CYP4F22: variants seen among roughly 807,000 people sequenced by gnomAD.
The protein encoded by CYP4F22 is cytochrome P450 family 4 subfamily F member 22.
Under a neutral mutation model 60.4 loss-of-function variants are expected in CYP4F22, and 37 were observed. The ratio of observed to expected loss-of-function variants is 0.61; its 90% CI spans 0.47 to 0.81. CYP4F22 has a LOEUF of 0.81. Ranked by LOEUF, CYP4F22 falls within the 30% of genes least tolerant of loss-of-function variation. The pLI is 0.00. For missense variants in CYP4F22, 655 were observed against 715.0 expected, an observed-to-expected ratio of 0.92 and a Z score of 0.96; for synonymous variants, 258 against 280.5, an observed-to-expected ratio of 0.92 and a Z score of 0.80.
intron 1 of CYP4F22, among the ~76,000 whole-genome samples, chr19:15,510,958 A>ATTTTTT (rs1568351339): frequency 8.7e-6 from 1 of 114,780 alleles, no homozygotes; most frequent in African/African-American, 3.9e-5. Context: ...ATATATATAT[A>ATTTTTT]TATATATATT....
chr19:15,550,603 C>A, intron 12 of CYP4F22, 71 bp from the exon 13 acceptor site: 2 of 1,509,332 alleles, frequency 1.3e-6, no homozygotes, highest in Non-Finnish European at 1.8e-6. Flanking sequence ...CCCCCAGAGG[C>A]TCAGGGAAGG....
At chr19:15,520,983 G>A (rs1971218514) in intron 1 of CYP4F22, among the ~76,000 whole-genome samples, 1 of 151,902 alleles carries the variant, frequency 6.6e-6, no homozygotes, top group African/African-American at 2.4e-5. Flanking sequence ...TAACCAGCAT[G>A]GTTTCGATTT....
chr19:15,545,125 G>A (rs750113486), intron 10 of CYP4F22, among the ~76,000 whole-genome samples: 66 of 148,956 alleles, frequency 4.4e-4, no homozygotes, highest in Admixed American at 1.1e-3. Flanking sequence ...AACAAAAGCT[G>A]TGCTTGCACT....
At chr19:15,538,073 C>T (rs988313414) in intron 7 of CYP4F22, 80 bp downstream of exon 7, 2 of 1,591,964 alleles carry the variant, frequency 1.3e-6, no homozygotes, top group Admixed American at 3.4e-5. Flanking sequence ...AACTCCCAGG[C>T]ATTAGACAAC....
At chr19:15,509,742 G>A (rs1019492757) in intron 1 of CYP4F22, among the ~76,000 whole-genome samples, 2 of 152,012 alleles carry the variant, frequency 1.3e-5, no homozygotes, top group Non-Finnish European at 2.9e-5. Context: ...GGCCCAGCTT[G>A]GGTTTCTGAA....
chr19:15,526,542 G>C (rs1599797032), intron 3 of CYP4F22, among the ~76,000 whole-genome samples: 1 of 151,970 alleles, frequency 6.6e-6, no homozygotes, highest in African/African-American at 2.4e-5. Flanking sequence ...CTAGGAAGTA[G>C]GTCCCATGAC....
In CYP4F22 at chr19:15,539,847, G is replaced by A. The variant is rs1393287994; in HGVS notation, c.672-603G>A. ...TTAGTCACCTTAGTGGGGTGAAGTA[G>A]TATCTCATTGTGGTTTTGATTTGCA... On this transcript the variant is annotated intron_variant, in intron 7 of 13. Transcript: ENST00000269703. Among the ~76,000 whole-genome samples the A allele has an allele frequency of 2.0e-5, 3 of 152,182 alleles. No homozygotes were observed. In the East Asian group the frequency reaches 5.8e-4, roughly 29 times the overall value.
chr19:15,542,068 A>G (rs780042990), intron 8 of CYP4F22, among the ~76,000 whole-genome samples: 3 of 151,984 alleles, frequency 2.0e-5, no homozygotes, highest in Non-Finnish European at 4.4e-5. Flanking sequence ...CTCCATTTAT[A>G]CCATGGTGAT....
intron 1 of CYP4F22, among the ~76,000 whole-genome samples, chr19:15,509,921 CCT>C (rs1971068541): frequency 1.4e-5 from 2 of 139,196 alleles, no homozygotes; most frequent in East Asian, 4.5e-4. Flanking sequence ...TTCTTTCCTT[CCT>C]TCTTTCTTTC....
intron 11 of CYP4F22, among the ~76,000 whole-genome samples, chr19:15,548,920 G>C (rs1971563404): frequency 6.6e-6 from 1 of 152,158 alleles, no homozygotes; most frequent in Non-Finnish European, 1.5e-5. Context: ...AGATCCCTAT[G>C]TGGCCAGCTT....
At chr19:15,541,563 C>T (rs759493205) in intron 8 of CYP4F22, among the ~76,000 whole-genome samples, 1 of 152,082 alleles carries the variant, frequency 6.6e-6, no homozygotes, top group African/African-American at 2.4e-5. Context: ...AACCATTCAG[C>T]TCATCACAAT....
At chr19:15,527,839 T>A (rs1971300031) in intron 3 of CYP4F22, among the ~76,000 whole-genome samples, 1 of 152,218 alleles carries the variant, frequency 6.6e-6, no homozygotes, top group Non-Finnish European at 1.5e-5. Context: ...TGGGGATGGA[T>A]CTGTCCTATT....
chr19:15,537,315 C>T (rs372568383), intron 4 of CYP4F22, 46 bp from the exon 5 acceptor site: 1 of 1,612,610 alleles, frequency 6.2e-7, no homozygotes, highest in Non-Finnish European at 8.5e-7. Context: ...AACAAAAAAC[C>T]AAAAAACTCT....
At chr19:15,540,752 G>T (rs1447929066) in intron 8 of CYP4F22, 35 bp downstream of exon 8, 1 of 85,908 alleles carries the variant, frequency 1.2e-5, no homozygotes, top group Middle Eastern at 5.3e-3. Flanking sequence ...CTGGCCTCCC[G>T]AGGGCTGGCC....
At chr19:15,517,432 G>A (rs1241651534) in intron 1 of CYP4F22, among the ~76,000 whole-genome samples, 1 of 152,162 alleles carries the variant, frequency 6.6e-6, no homozygotes, top group Non-Finnish European at 1.5e-5. Flanking sequence ...TGTCTGGTAG[G>A]GGGACGGGGA....
intron 1 of CYP4F22, chr19:15,515,455 T>G: frequency 2.3e-6 from 2 of 887,794 alleles, no homozygotes; most frequent in South Asian, 2.6e-5. Context: ...CCAGGCACGG[T>G]GGCTCACGCT....
chr19:15,543,684 G>C (rs1459579529), intron 8 of CYP4F22, among the ~76,000 whole-genome samples: 1 of 151,900 alleles, frequency 6.6e-6, no homozygotes, highest in Non-Finnish European at 1.5e-5. Flanking sequence ...TGGCAAAATT[G>C]CATCTCTACT....
intron 1 of CYP4F22, among the ~76,000 whole-genome samples, chr19:15,509,952 C>A: frequency 1.5e-5 from 1 of 64,990 alleles, no homozygotes; most frequent in Non-Finnish European, 3.3e-5. Flanking sequence ...TTTCTTTTCT[C>A]TGTCTCTCTC....
Position 15,548,115 on chromosome 19 carries a change from C to A in CYP4F22, c.1144C>A (p.Leu382Met). The A allele has an allele frequency of 6.2e-7, 1 of 1,613,522 alleles. No individual in the cohort carries two copies. Among genetic ancestry groups the A allele is most frequent in the Non-Finnish European group, 8.5e-7 (1 of 1,179,904 alleles). ...RELEELEWDD[L>M]TQLPFTTMCI... ...TATCTCCATTCTCCCCAGGGACGAT[C>A]TGACTCAGCTGCCCTTTACAACTAT... is the stretch of plus-strand genomic sequence containing the variant. Residue 382 changes from leucine (L) to methionine (M), a missense_variant, in exon 11 of 14, where the codon CTG becomes ATG. Leu to Met is a conservative substitution (Grantham distance 15). Transcript: ENST00000269703.
Sources: gnomAD v4.1 joint callset for allele counts (sites outside exome capture counted in the v4.1 genomes callset) on GRCh38, gnomAD v4.1.1 for gene constraint, MANE v1.5 for transcripts, NCBI Gene and HGNC (gene_info 2026-07-23, HGNC 2026-07-21) for gene names.